Variants in GALNT17 observed in about 807,000 individuals in gnomAD.
GALNT17 encodes the protein UDP-GalNAc:polypeptide N-acetylgalactosaminyltransferase-like 3.
In GALNT17, 29 loss-of-function variants were observed where a neutral mutation model predicts 63.7. The observed-to-expected ratio is 0.46, with a 90% CI of 0.34 to 0.62. GALNT17 has a LOEUF of 0.62. Ranked by LOEUF, GALNT17 falls within the 20% of genes least tolerant of loss-of-function variation. The pLI, the probability that GALNT17 is intolerant of heterozygous loss-of-function variation, is 0.01. For synonymous variants in GALNT17, 305 were observed against 318.3 expected (o/e 0.96, Z 0.45); for missense variants, 603 against 799.6 (o/e 0.75, Z 2.97).
intron 1 of GALNT17, among the ~76,000 whole-genome samples, chr7:71,216,062 A>G (rs1295316907): frequency 6.9e-6 from 1 of 144,560 alleles, no homozygotes; most frequent in Non-Finnish European, 1.6e-5. Context: ...TAATAATAAT[A>G]ATAAAAAAGC....
chr7:71,156,869 A>G (rs12667144), intron 1 of GALNT17, among the ~76,000 whole-genome samples: 70,325 of 150,742 alleles, frequency 0.47, 18,085 homozygotes, highest in African/African-American at 0.65. Context: ...ACAGGTGTAA[A>G]CCACTGTTCC....
chr7:71,629,846 T>G (rs1164800235), intron 6 of GALNT17, among the ~76,000 whole-genome samples: 1 of 152,140 alleles, frequency 6.6e-6, no homozygotes, highest in Non-Finnish European at 1.5e-5. Flanking sequence ...GGTCTCTAAC[T>G]CCTGAACTCA....
At chr7:71,328,641 AC>A (rs1791746019) in intron 1 of GALNT17, among the ~76,000 whole-genome samples, 1 of 136,104 alleles carries the variant, frequency 7.3e-6, no homozygotes, top group Admixed American at 7.9e-5. Flanking sequence ...ACGTTAAAAT[AC>A]CAGTGATTTT....
chr7:71,418,328 C>T (rs1786585488), intron 4 of GALNT17, among the ~76,000 whole-genome samples: 1 of 152,240 alleles, frequency 6.6e-6, no homozygotes, highest in Admixed American at 6.5e-5. Context: ...AACCCCTTGG[C>T]AGTTCTTCAT....
intron 5 of GALNT17, among the ~76,000 whole-genome samples, chr7:71,477,524 A>G (rs867702700): frequency 1.3e-5 from 2 of 152,174 alleles, no homozygotes; most frequent in African/African-American, 2.4e-5. Flanking sequence ...GTGGTTTTCA[A>G]TGAGCAAATA....
At chr7:71,649,837 A>G (rs1419656042) in intron 6 of GALNT17, among the ~76,000 whole-genome samples, 1 of 152,160 alleles carries the variant, frequency 6.6e-6, no homozygotes, top group Admixed American at 6.5e-5. Context: ...CCTGGCTTGT[A>G]ATTCTCGTTA....
At chr7:71,329,524 C>T (rs1041930523) in intron 1 of GALNT17, among the ~76,000 whole-genome samples, 5 of 152,030 alleles carry the variant, frequency 3.3e-5, no homozygotes, top group South Asian at 2.1e-4. Context: ...TAATTTATGA[C>T]GAAAAGAGGT....
Position 71,359,625 on chromosome 7 carries a change from C to T in GALNT17, c.422+23892C>T, listed in dbSNP as rs7812157. On this transcript the variant is annotated intron_variant, in intron 2 of 10. Coordinates refer to ENST00000333538, the MANE Select transcript of GALNT17 (RefSeq NM_022479.3). ...TTTTTTAGACAGATCTTGCTGTCAC[C>T]CAGGCTGGAGTGCGGTGGCACCGTC... Among the ~76,000 whole-genome samples, 78 of 151,980 alleles carry T rather than the reference C, an allele frequency of 5.1e-4. 1 individual carries two copies. The highest frequency in any genetic ancestry group is 1.8e-3 in the African/African-American group (76 of 41,452).
intron 5 of GALNT17, among the ~76,000 whole-genome samples, chr7:71,569,067 G>T (rs1207163310): frequency 2.0e-5 from 3 of 152,052 alleles, no homozygotes; most frequent in African/African-American, 7.2e-5. Flanking sequence ...TACCTCCCAG[G>T]TTCAAGTGAT....
chr7:71,258,484 C>T (rs1321721195), intron 1 of GALNT17, among the ~76,000 whole-genome samples: 1 of 152,164 alleles, frequency 6.6e-6, no homozygotes, highest in South Asian at 2.1e-4. Context: ...TCCTAAGCCC[C>T]ACACTGGACT....
chr7:71,402,900 G>T (rs914518808), intron 3 of GALNT17, among the ~76,000 whole-genome samples: 1 of 152,096 alleles, frequency 6.6e-6, no homozygotes, highest in East Asian at 1.9e-4. Flanking sequence ...TCCATGCTTG[G>T]CCAGGCTCTC....
chr7:71,219,784 TTTTCCTCAA>T (rs1421881816), intron 1 of GALNT17, among the ~76,000 whole-genome samples: 1 of 152,192 alleles, frequency 6.6e-6, no homozygotes, highest in Non-Finnish European at 1.5e-5. Context: ...CATATTTTTA[TTTTCCTCAA>T]ATGTCTGGTG....
intron 1 of GALNT17, among the ~76,000 whole-genome samples, chr7:71,287,510 T>G (rs1790896371): frequency 6.6e-6 from 1 of 152,144 alleles, no homozygotes; most frequent in African/African-American, 2.4e-5. Flanking sequence ...TCTCCTTATT[T>G]CTCTCGCTTC....
chr7:71,198,197 CAAA>C (rs755388218), intron 1 of GALNT17, among the ~76,000 whole-genome samples: 12 of 77,054 alleles, frequency 1.6e-4, no homozygotes, highest in Non-Finnish European at 1.2e-4. Flanking sequence ...GACTCTGTCT[CAAA>C]AAAAAAAAAA....
At chr7:71,233,440 C>T (rs1270165877) in intron 1 of GALNT17, among the ~76,000 whole-genome samples, 1 of 152,190 alleles carries the variant, frequency 6.6e-6, no homozygotes, top group African/African-American at 2.4e-5. Flanking sequence ...TGAAAGTTAC[C>T]TTCAACAGAA....
intron 2 of GALNT17, among the ~76,000 whole-genome samples, chr7:71,355,678 G>A (rs113661136): frequency 0.012 from 1,797 of 151,756 alleles, 33 homozygotes; most frequent in African/African-American, 0.041. Context: ...ATTCACAGGC[G>A]TCTAACACTA....
chr7:71,645,585 GC>G (rs1448192029), intron 6 of GALNT17, among the ~76,000 whole-genome samples: 1 of 152,142 alleles, frequency 6.6e-6, no homozygotes, highest in Non-Finnish European at 1.5e-5. Context: ...TATCTTTATA[GC>G]AGTGTGAAAA....
chr7:71,584,057 G>T (rs1789679237), intron 6 of GALNT17, among the ~76,000 whole-genome samples: 1 of 152,186 alleles, frequency 6.6e-6, no homozygotes, highest in African/African-American at 2.4e-5. Flanking sequence ...ACTTGAACCT[G>T]GGAGGCAGAA....
chr7:71,148,522 G>A (rs544309678), intron 1 of GALNT17, among the ~76,000 whole-genome samples: 11 of 152,234 alleles, frequency 7.2e-5, no homozygotes, highest in African/African-American at 2.2e-4. Flanking sequence ...GAAGGAGAAC[G>A]GGAACAGCAT....
Sources: gnomAD v4.1 joint callset for allele counts (sites outside exome capture counted in the v4.1 genomes callset) on GRCh38, gnomAD v4.1.1 for gene constraint, MANE v1.5 for transcripts, NCBI Gene and HGNC (gene_info 2026-07-23, HGNC 2026-07-21) for gene names.